The following CDH18 variants were observed in gnomAD, a reference collection of about 807,000 sequenced individuals.
The protein encoded by CDH18 is cadherin 18, also known as cadherin-18.
In CDH18, 31 loss-of-function variants were observed where a neutral mutation model predicts 67.9. That is an observed-to-expected ratio of 0.46 (90% CI 0.34 to 0.62). The LOEUF (loss-of-function observed/expected upper bound fraction) is 0.62. CDH18 is among the 20% of genes least tolerant of loss of function. The pLI, the probability that CDH18 is intolerant of heterozygous loss-of-function variation, is 0.01. For missense variants in CDH18, 890 were observed against 975.5 expected, an observed-to-expected ratio of 0.91 and a Z score of 1.17; for synonymous variants, 362 against 347.2, an observed-to-expected ratio of 1.04 and a Z score of -0.48.
chr5:20,305,262 T>C lies in CDH18; in HGVS notation c.-579-49757A>G, dbSNP rs186763609. ...ACCGTCCTCCTCCAGAAGGTACCACTAAACCTTTAAAACTTTTAAAGCCTC... is the reference window on the plus strand; with the variant it reads ...ACCGTCCTCCTCCAGAAGGTACCACCAAACCTTTAAAACTTTTAAAGCCTC... On this transcript the variant is annotated intron_variant, in intron 1 of 14. Coordinates refer to the CDH18 transcript ENST00000507958. The C allele has an allele frequency of 5.3e-3, 7,470 of 1,418,630 alleles. 27 individuals are homozygous for C. The highest frequency in any genetic ancestry group is 6.7e-3 in the Middle Eastern group (38 of 5,676). The allele number at this position is 1,418,630 out of a possible 1,614,324, so 87.9% of individuals were successfully genotyped here.
chr5:20,270,331 T>C (rs553715404), intron 1 of CDH18, among the ~76,000 whole-genome samples: 6 of 152,236 alleles, frequency 3.9e-5, no homozygotes, highest in South Asian at 4.1e-4. Flanking sequence ...AATATTGATA[T>C]TGTTGTTATG....
At chr5:19,544,884 C>T (rs909466619) in intron 8 of CDH18, among the ~76,000 whole-genome samples, 4 of 152,074 alleles carry the variant, frequency 2.6e-5, no homozygotes, top group Non-Finnish European at 5.9e-5. Flanking sequence ...CGATGGAGTG[C>T]CCCAGAGATA....
At chr5:20,090,415 A>G (rs1745318041) in intron 2 of CDH18, among the ~76,000 whole-genome samples, 1 of 151,976 alleles carries the variant, frequency 6.6e-6, no homozygotes, top group Non-Finnish European at 1.5e-5. Context: ...GGTGTCTGTA[A>G]TCCCAACTAC....
At chr5:19,940,937 G>T (rs1380771177) in intron 2 of CDH18, among the ~76,000 whole-genome samples, 1 of 152,100 alleles carries the variant, frequency 6.6e-6, no homozygotes, top group Non-Finnish European at 1.5e-5. Flanking sequence ...CCTAATAAAA[G>T]TTCCAGTCTA....
chr5:20,321,754 C>T (rs1738045061), intron 1 of CDH18, among the ~76,000 whole-genome samples: 1 of 151,720 alleles, frequency 6.6e-6, no homozygotes. Flanking sequence ...AGCTATTGTC[C>T]CCTGTACATC....
chr5:20,254,659 T>C (rs1744096704), intron 2 of CDH18, among the ~76,000 whole-genome samples: 2 of 152,198 alleles, frequency 1.3e-5, no homozygotes, highest in African/African-American at 4.8e-5. Context: ...CTCTTATTCG[T>C]GTTGGTTAGA....
chr5:20,151,884 T>C (rs1403541670), intron 2 of CDH18, among the ~76,000 whole-genome samples: 1 of 151,762 alleles, frequency 6.6e-6, no homozygotes, highest in East Asian at 1.9e-4. Flanking sequence ...TATCAATGAT[T>C]AAATTTTTTC....
chr5:20,046,403 G>A (rs1046133379), intron 2 of CDH18, among the ~76,000 whole-genome samples: 1 of 151,804 alleles, frequency 6.6e-6, no homozygotes, highest in Admixed American at 6.6e-5. Flanking sequence ...TGACCACTGA[G>A]TGGAGACATC....
At chr5:19,601,349 G>T (rs1747092625) in intron 6 of CDH18, among the ~76,000 whole-genome samples, 1 of 152,136 alleles carries the variant, frequency 6.6e-6, no homozygotes, top group South Asian at 2.1e-4. Context: ...ACTAACTGGA[G>T]AATGTATAAA....
At chr5:19,974,228 GC>G (rs1201510224) in intron 2 of CDH18, among the ~76,000 whole-genome samples, 1 of 152,026 alleles carries the variant, frequency 6.6e-6, no homozygotes, top group Non-Finnish European at 1.5e-5. Context: ...TTAAATCTGA[GC>G]AGAGTAAATA....
At chr5:19,733,795 A>T (rs1767931255) in intron 4 of CDH18, among the ~76,000 whole-genome samples, 1 of 152,134 alleles carries the variant, frequency 6.6e-6, no homozygotes, top group Non-Finnish European at 1.5e-5. Context: ...ATCCTGTAAC[A>T]TCCCCTCTGG....
chr5:19,588,048 G>T (rs1744480243), intron 7 of CDH18, among the ~76,000 whole-genome samples: 1 of 151,918 alleles, frequency 6.6e-6, no homozygotes, highest in African/African-American at 2.4e-5. Context: ...TTTTTGTGGT[G>T]ATTGTGAATG....
chr5:20,328,500 TGTGTGTGTGA>T lies in CDH18; in HGVS notation c.-579-73005_-579-72996del, dbSNP rs1250748221. The stretch of plus-strand genomic sequence containing the variant: ...GTGTGTGTGTGTGTGTGTGTGTGTG[TGTGTGTGTGA>T]GAGAGAGAGAGAGAGAGAGATTATA... On this transcript the variant is annotated intron_variant, in intron 1 of 14. Transcript: ENST00000507958. Among the ~76,000 whole-genome samples, 426 of 116,030 alleles carry T rather than the reference TGTGTGTGTGA, an allele frequency of 3.7e-3. 2 individuals carry two copies. The highest frequency in any genetic ancestry group is 8.7e-3 in the South Asian group (31 of 3,556). 76.1% of individuals were successfully genotyped at this position (116,030 alleles called of 152,430 possible).
chr5:19,873,705 T>A (rs550130366), intron 2 of CDH18, among the ~76,000 whole-genome samples: 111 of 152,262 alleles, frequency 7.3e-4, no homozygotes, highest in African/African-American at 2.6e-3. Flanking sequence ...TGGAGTGCAG[T>A]GGCACGATCT....
intron 1 of CDH18, among the ~76,000 whole-genome samples, chr5:20,398,513 A>G (rs1745470131): frequency 2.0e-5 from 3 of 152,162 alleles, no homozygotes; most frequent in Admixed American, 2.0e-4. Flanking sequence ...AGATGAGTGG[A>G]TTCTCGAAGA....
At chr5:20,538,885 C>A in intron 1 of CDH18, among the ~76,000 whole-genome samples, 1 of 143,166 alleles carries the variant, frequency 7.0e-6, no homozygotes, top group Non-Finnish European at 1.5e-5. Flanking sequence ...GATATACATC[C>A]ACATAGCCAA....
intron 2 of CDH18, among the ~76,000 whole-genome samples, chr5:20,013,920 T>A (rs1029787622): frequency 6.6e-6 from 1 of 152,230 alleles, no homozygotes; most frequent in African/African-American, 2.4e-5. Context: ...GCAAGAAAAA[T>A]TTGTTTATAG....
chr5:19,881,576 C>G (rs1318915898), intron 2 of CDH18, among the ~76,000 whole-genome samples: 1 of 150,008 alleles, frequency 6.7e-6, no homozygotes, highest in Non-Finnish European at 1.5e-5. Flanking sequence ...TGGCATGATC[C>G]TGGCTCACTG....
chr5:19,692,063 C>A (rs1261756049), intron 5 of CDH18, among the ~76,000 whole-genome samples: 1 of 151,890 alleles, frequency 6.6e-6, no homozygotes, highest in African/African-American at 2.4e-5. Context: ...ATAGAGAACC[C>A]AGAAATAAAA....
Sources: gnomAD v4.1 joint callset for allele counts (sites outside exome capture counted in the v4.1 genomes callset) on GRCh38, gnomAD v4.1.1 for gene constraint, MANE v1.5 for transcripts, NCBI Gene and HGNC (gene_info 2026-07-23, HGNC 2026-07-21) for gene names.